Variants in PKHD1 observed in about 807,000 individuals in gnomAD.
The protein encoded by PKHD1 is PKHD1 ciliary IPT domain containing fibrocystin/polyductin.
In PKHD1, 291 loss-of-function variants were observed where a neutral mutation model predicts 412.0. That is an observed-to-expected ratio of 0.71 (90% CI 0.64 to 0.78). PKHD1 has a LOEUF of 0.78. PKHD1 is among the 30% of genes least tolerant of loss of function. PKHD1 has a pLI of 0.00. For synonymous variants in PKHD1, 1,777 were observed against 1,821.5 expected, an observed-to-expected ratio of 0.98 and a Z score of 0.62; for missense variants, 4,825 against 4,950.7, an observed-to-expected ratio of 0.97 and a Z score of 0.76.
intron 36 of PKHD1, among the ~76,000 whole-genome samples, chr6:51,947,018 C>T (rs1247440615): frequency 6.6e-6 from 1 of 152,154 alleles, no homozygotes; most frequent in African/African-American, 2.4e-5. Context: ...CCATACAATA[C>T]TAGTCTTCAA....
rs761328850 is a variant in PKHD1, at chr6:51,733,326, G to A, written c.10156+11059C>T. Among the ~76,000 whole-genome samples the A allele has an allele frequency of 4.6e-5, 7 of 152,210 alleles. No individual in the cohort carries two copies. The South Asian group carries it at 1.0e-3, about 23-fold the overall frequency. On this transcript the variant is annotated intron_variant, in intron 60 of 66. Transcript: ENST00000371117. ...GAGAACGAGATGGGCGGATCACAAG[G>A]TCAGGAGACCTAGATCATCCTGGCT...
intron 64 of PKHD1, 130 bp from the exon 65 acceptor site, chr6:51,632,853 A>C (rs746148623): frequency 5.4e-6 from 3 of 554,856 alleles, no homozygotes; most frequent in Non-Finnish European, 9.3e-6. Context: ...TATTCATTAA[A>C]TTTAATAAAT....
chr6:51,973,087 C>G (rs995416841), intron 35 of PKHD1, among the ~76,000 whole-genome samples: 5 of 151,982 alleles, frequency 3.3e-5, no homozygotes, highest in African/African-American at 1.2e-4. Flanking sequence ...ACTTAAATAC[C>G]CCAGTGATTA....
chr6:51,781,549 T>C (rs1306345785), intron 53 of PKHD1, among the ~76,000 whole-genome samples: 1 of 152,124 alleles, frequency 6.6e-6, no homozygotes, highest in African/African-American at 2.4e-5. Context: ...AATTACCTCA[T>C]TTCTTTAAGC....
intron 59 of PKHD1, among the ~76,000 whole-genome samples, chr6:51,746,045 A>C (rs1231465390): frequency 6.6e-6 from 1 of 152,070 alleles, no homozygotes; most frequent in Non-Finnish European, 1.5e-5. Context: ...GTGTTGTGGG[A>C]AAGAAAAAGT....
intron 48 of PKHD1, among the ~76,000 whole-genome samples, chr6:51,861,644 C>A (rs1033440438): frequency 1.4e-4 from 21 of 152,320 alleles, no homozygotes; most frequent in African/African-American, 4.6e-4. Flanking sequence ...ATGCTCATAA[C>A]AATCCTTGTC....
rs773050917 is a variant in PKHD1 at position 52,026,114 on chromosome 6, C to T, written c.3696G>A (p.Val1232=). The change falls in exon 32 of 67, where the codon GTG becomes GTA. Residue 1232 remains valine, a synonymous_variant. Coordinates refer to ENST00000371117, the MANE Select transcript of PKHD1 (RefSeq NM_138694.4). Reference sequence around the variant, plus strand: ...TCACAATGTCACAGGACCGATTGCCCACAAGTACCCAAACCAAAGCTGGGT... The same window carrying T: ...TCACAATGTCACAGGACCGATTGCCTACAAGTACCCAAACCAAAGCTGGGT... ...SRDPALVWVL[V]GNRSCDIVNL... is the part of the protein sequence containing the mutation. 24 of 1,614,034 alleles carry T rather than the reference C, an allele frequency of 1.5e-5. No individual in the cohort carries two copies. The highest frequency in any genetic ancestry group is 1.9e-5 in the Non-Finnish European group (22 of 1,180,038).
intron 22 of PKHD1, 131 bp downstream of exon 22, chr6:52,050,025 AT>A: frequency 1.2e-6 from 1 of 826,154 alleles, no homozygotes; most frequent in East Asian, 2.6e-5. Flanking sequence ...CTGGTGCTGC[AT>A]TCTCAAGATT....
At chr6:52,040,394 C>T (rs1479062203) in intron 27 of PKHD1, among the ~76,000 whole-genome samples, 1 of 152,160 alleles carries the variant, frequency 6.6e-6, no homozygotes, top group Non-Finnish European at 1.5e-5. Flanking sequence ...TCATATCCTC[C>T]TAACCGGTCT....
chr6:52,050,083 A>T lies in PKHD1; in HGVS notation c.2279+74T>A. The stretch of plus-strand genomic sequence containing the variant: ...AAGACAGGTAGCTTTTCCTGAAAAA[A>T]GTCACACCTGTGTCCCTCAAGGCCA... On this transcript the variant is annotated intron_variant, in intron 22 of 66. Coordinates refer to ENST00000371117, the MANE Select transcript of PKHD1 (RefSeq NM_138694.4). The T allele has an allele frequency of 2.7e-6, 4 of 1,463,556 alleles. No individual in the cohort carries two copies. In the Admixed American group the frequency reaches 6.8e-5, roughly 25 times the overall value. The allele number at this position is 1,463,556 out of a possible 1,614,324, so 90.7% of individuals were successfully genotyped here. A position where few individuals can be genotyped will look rare whatever the true frequency, so the allele number is the denominator to read the frequency against.
intron 52 of PKHD1, among the ~76,000 whole-genome samples, chr6:51,827,421 A>C (rs1013274258): frequency 1.3e-5 from 2 of 152,160 alleles, no homozygotes; most frequent in African/African-American, 4.8e-5. Context: ...TAATGTTATA[A>C]ATAAAGGTCA....
chr6:51,938,639 T>A (rs1787912151), intron 36 of PKHD1, among the ~76,000 whole-genome samples: 1 of 151,500 alleles, frequency 6.6e-6, no homozygotes, highest in Admixed American at 6.6e-5. Context: ...AACAGCCTTG[T>A]TGCTCATACA....
At chr6:51,717,412 CAAA>C (rs60675116) in intron 60 of PKHD1, among the ~76,000 whole-genome samples, 1 of 123,220 alleles carries the variant, frequency 8.1e-6, no homozygotes, top group Admixed American at 8.3e-5. Flanking sequence ...AACTCTGTCT[CAAA>C]AAAAAAAAAA....
chr6:52,060,036 C>A lies in PKHD1; in HGVS notation c.1125G>T (p.Arg375=), dbSNP rs1265981778. 1.3e-6 allele frequency: 2 copies of A among 1,589,696 alleles called. No homozygotes were observed. The highest frequency in any genetic ancestry group is 1.3e-5 in the African/African-American group (1 of 74,614). ...WSQEGQPFRA[R]LSGFFVAPET... ...CTGGAGCCACAAAGAACCCACTGAG[C>A]CGTGCTCTGTAAAGTAGAACATAGA... Residue 375 remains arginine, a synonymous_variant, in exon 15 of 67, where the codon CGG becomes CGT. Coordinates refer to ENST00000371117, the MANE Select transcript of PKHD1 (RefSeq NM_138694.4).
At chr6:51,826,963 A>C (rs541709012) in intron 52 of PKHD1, among the ~76,000 whole-genome samples, 182 of 152,246 alleles carry the variant, frequency 1.2e-3, no homozygotes, top group Non-Finnish European at 2.2e-3. Flanking sequence ...AAATTATGCT[A>C]TTCTATTTGA....
At chr6:51,755,333 C>T (rs1786794882) in intron 55 of PKHD1, among the ~76,000 whole-genome samples, 1 of 152,086 alleles carries the variant, frequency 6.6e-6, no homozygotes, top group African/African-American at 2.4e-5. Context: ...AATATAATGC[C>T]ATTTTTTGAC....
At chr6:51,632,135 G>A (rs1324504908) in intron 65 of PKHD1, among the ~76,000 whole-genome samples, 2 of 151,658 alleles carry the variant, frequency 1.3e-5, no homozygotes, top group Admixed American at 6.6e-5. Context: ...GTAGAGACAG[G>A]GTTTCACCAT....
rs1282839099 is a variant in PKHD1 at position 52,035,692 on chromosome 6, T to C, written c.3127A>G (p.Ser1043Gly). Reference sequence around the variant, plus strand: ...AATATCAGGCTAACACCTTCCAAACTAGAGCCTCGGATGGTGGCCCAGAGC... The same window carrying C: ...AATATCAGGCTAACACCTTCCAAACCAGAGCCTCGGATGGTGGCCCAGAGC... Reference protein sequence around the residue: ...GGLWATIRGSSLEGVSLILFG... With the variant: ...GGLWATIRGSGLEGVSLILFG... Residue 1043 changes from serine to glycine, a missense_variant, in exon 28 of 67, where the codon AGT becomes GGT. Transcript: ENST00000371117. 1.2e-6 allele frequency: 2 copies of C among 1,613,712 alleles called. No homozygotes were observed. The highest frequency in any genetic ancestry group is 3.3e-5 in the Admixed American group (2 of 59,972).
intron 64 of PKHD1, among the ~76,000 whole-genome samples, chr6:51,635,627 G>A (rs1768430028): frequency 6.6e-6 from 1 of 152,006 alleles, no homozygotes; most frequent in Non-Finnish European, 1.5e-5. Context: ...GGAGTGATAA[G>A]TGCATAAAGA....
Sources: allele counts gnomAD v4.1 joint callset (sites outside exome capture counted in the v4.1 genomes callset), GRCh38; gene constraint gnomAD v4.1.1; transcripts MANE v1.5; gene names NCBI Gene and HGNC (gene_info 2026-07-23, HGNC 2026-07-21).